Variants in KCNIP4 observed in about 807,000 individuals in gnomAD.
KCNIP4 encodes the protein Kv channel-interacting protein 4.
KCNIP4 carries 12 observed loss-of-function variants against 34.0 expected under a neutral mutation model. The observed-to-expected ratio is 0.35, with a 90% CI of 0.23 to 0.57. KCNIP4 has a LOEUF of 0.57. Among genes scored for constraint, KCNIP4 ranks in the 20% least tolerant of loss-of-function variants. The probability of loss-of-function intolerance (pLI) is 0.83; values close to 1 mark genes in which losing one functional copy is unlikely to be tolerated. For missense variants in KCNIP4, 238 were observed against 311.7 expected (o/e 0.76, Z 1.78); for synonymous variants, 124 against 102.2 (o/e 1.21, Z -1.29).
At chr4:21,843,075 A>T (rs912146832) in intron 1 of KCNIP4, among the ~76,000 whole-genome samples, 1 of 152,130 alleles carries the variant, frequency 6.6e-6, no homozygotes, top group Non-Finnish European at 1.5e-5. Context: ...ATGTTACTCA[A>T]ATTCTCTTAA....
chr4:21,139,335 A>G (rs1423444277), intron 1 of KCNIP4, among the ~76,000 whole-genome samples: 1 of 152,238 alleles, frequency 6.6e-6, no homozygotes, highest in Non-Finnish European at 1.5e-5. Flanking sequence ...CACCTCTTTC[A>G]GTTTTATTAT....
rs561675692 is a variant in KCNIP4, at chr4:21,200,825, C to T, written c.62-318116G>A. ...TAAAAATTTTTTTTTTTAAAAAAAG[C>T]ATCGTTCCATCCAGTGCCTGATTGT... On this transcript the variant is annotated intron_variant, in intron 1 of 8. Coordinates refer to ENST00000382152, the MANE Select transcript of KCNIP4 (RefSeq NM_025221.6). 9.2e-5 allele frequency among the ~76,000 whole-genome samples: 14 copies of T among 151,806 alleles called. 1 individual carries two copies. The South Asian group carries it at 2.9e-3, about 32-fold the overall frequency.
At chr4:20,826,731 T>C (rs1478871548) in intron 3 of KCNIP4, among the ~76,000 whole-genome samples, 1 of 152,124 alleles carries the variant, frequency 6.6e-6, no homozygotes, top group Non-Finnish European at 1.5e-5. Flanking sequence ...AATGAGAGCC[T>C]GGAAGAAAAG....
At chr4:21,945,189 A>T (rs1444442373) in intron 1 of KCNIP4, among the ~76,000 whole-genome samples, 1 of 152,204 alleles carries the variant, frequency 6.6e-6, no homozygotes, top group East Asian at 1.9e-4. Flanking sequence ...TCTTCAAAAC[A>T]ATCAACCACT....
intron 1 of KCNIP4, among the ~76,000 whole-genome samples, chr4:21,800,235 G>C (rs1039231913): frequency 2.0e-5 from 3 of 152,098 alleles, no homozygotes; most frequent in Non-Finnish European, 4.4e-5. Flanking sequence ...AGATCACTGG[G>C]AATTTTGATT....
intron 1 of KCNIP4, among the ~76,000 whole-genome samples, chr4:21,199,000 A>G (rs937656141): frequency 1.3e-5 from 2 of 151,410 alleles, no homozygotes; most frequent in East Asian, 2.0e-4. Context: ...TCCTTTCTCT[A>G]TGTGAGGAGT....
rs185034099 is a variant in KCNIP4 at position 21,892,645 on chromosome 4, C to T, written c.61+55926G>A. ...ATACAATCTTAGGTGATCACTTAAC[C>T]TCTATAAGTCTTAATTAAGTTGTCT... On this transcript the variant is annotated intron_variant, in intron 1 of 8. Coordinates refer to ENST00000382152, the MANE Select transcript of KCNIP4 (RefSeq NM_025221.6). Among the ~76,000 whole-genome samples, 434 of 150,916 alleles carry T rather than the reference C, an allele frequency of 2.9e-3. 1 individual carries two copies. Among genetic ancestry groups the T allele is most frequent in the African/African-American group, 0.01 (411 of 41,042 alleles).
intron 3 of KCNIP4, among the ~76,000 whole-genome samples, chr4:20,818,542 C>T (rs945543337): frequency 3.3e-5 from 5 of 152,094 alleles, no homozygotes; most frequent in Non-Finnish European, 5.9e-5. Flanking sequence ...GCAAACCTCC[C>T]GACAGAAGCG....
intron 2 of KCNIP4, 162 bp from the exon 3 acceptor site, chr4:20,850,829 A>T: frequency 4.7e-6 from 3 of 643,112 alleles, no homozygotes; most frequent in Non-Finnish European, 7.2e-6. Flanking sequence ...TTCCCAGTTT[A>T]AGCGTATTAA....
At position 21,504,504 on chromosome 4, in the gene KCNIP4, A is replaced by G. The variant is rs112467364; in HGVS notation, c.61+444067T>C. Among the ~76,000 whole-genome samples the G allele has an allele frequency of 5.3e-3, 702 of 133,238 alleles. 8 individuals are homozygous for G. Among genetic ancestry groups the G allele is most frequent in the East Asian group, 0.027 (99 of 3,726 alleles). The allele number at this position is 133,238 out of a possible 152,430, so 87.4% of individuals were successfully genotyped here. The stretch of plus-strand genomic sequence containing the variant: ...GAAAGAAAGAAAGAAAGAAAGAAAG[A>G]AAGGAAGGAAGGAAGAAAGCAAGCA... On this transcript the variant is annotated intron_variant, in intron 1 of 8. Transcript: ENST00000382152.
intron 1 of KCNIP4, among the ~76,000 whole-genome samples, chr4:20,915,175 T>C (rs1728691036): frequency 6.6e-6 from 1 of 152,226 alleles, no homozygotes; most frequent in Admixed American, 6.5e-5. Flanking sequence ...TACATGAACA[T>C]TTCTCTTACG....
rs192270173 is a variant in KCNIP4, at chr4:21,739,953, C to T, written c.61+208618G>A. Among the ~76,000 whole-genome samples the T allele has an allele frequency of 8.7e-3, 1,328 of 152,200 alleles. 18 individuals are homozygous for T. The highest frequency in any genetic ancestry group is 0.039 in the South Asian group (188 of 4,830). On this transcript the variant is annotated intron_variant, in intron 1 of 8. Coordinates refer to ENST00000382152, the MANE Select transcript of KCNIP4 (RefSeq NM_025221.6). ...AAATTTCTGATTTAATTTGCCTTCACATTCAGTCAACCATTAAAGCAATTG... is the reference window on the plus strand; with the variant it reads ...AAATTTCTGATTTAATTTGCCTTCATATTCAGTCAACCATTAAAGCAATTG...
intron 1 of KCNIP4, among the ~76,000 whole-genome samples, chr4:21,073,050 C>T (rs1745121220): frequency 6.6e-6 from 1 of 152,046 alleles, no homozygotes; most frequent in Non-Finnish European, 1.5e-5. Flanking sequence ...TTGCTGTAGC[C>T]TTGTAGTATA....
At chr4:21,450,429 C>T (rs1728421639) in intron 1 of KCNIP4, among the ~76,000 whole-genome samples, 1 of 152,114 alleles carries the variant, frequency 6.6e-6, no homozygotes, top group African/African-American at 2.4e-5. Context: ...GTCCAAAGCA[C>T]AATCAATATT....
intron 1 of KCNIP4, among the ~76,000 whole-genome samples, chr4:20,956,787 C>T (rs946175119): frequency 3.3e-5 from 5 of 152,008 alleles, no homozygotes; most frequent in African/African-American, 9.7e-5. Flanking sequence ...AACCAATGGC[C>T]GCTATTTACA....
At chr4:20,854,452 G>A (rs577429388) in intron 2 of KCNIP4, among the ~76,000 whole-genome samples, 1 of 152,290 alleles carries the variant, frequency 6.6e-6, no homozygotes, top group Non-Finnish European at 1.5e-5. Flanking sequence ...AGAACGCAAA[G>A]GCATAAGAAT....
In KCNIP4 at chr4:20,734,727, G is replaced by A. The variant is rs1258118252; in HGVS notation, c.438C>T (p.Ile146=). 6.5e-7 allele frequency: 1 copy of A among 1,549,664 alleles called. No individual in the cohort carries two copies. ...HNGAVSFEDF[I]KGLSILLRGT... is the part of the protein sequence containing the mutation. ...CCCGGAGCAAAATGGAAAGACCTTTGATGAAATCCTGAAAAGAAATAAAAA... is the reference window on the plus strand; with the variant it reads ...CCCGGAGCAAAATGGAAAGACCTTTAATGAAATCCTGAAAAGAAATAAAAA... Residue 146 remains isoleucine (I), a synonymous_variant, in exon 6 of 9, where the codon ATC becomes ATT. Coordinates refer to ENST00000382152, the MANE Select transcript of KCNIP4 (RefSeq NM_025221.6).
At chr4:21,848,831 T>A (rs1724184234) in intron 1 of KCNIP4, 1 of 152,066 alleles carries the variant, frequency 6.6e-6, no homozygotes, top group South Asian at 2.1e-4. Context: ...GGAAAATATG[T>A]TCACTCTGGT....
At chr4:20,915,545 AG>A (rs1728731147) in intron 1 of KCNIP4, among the ~76,000 whole-genome samples, 1 of 152,312 alleles carries the variant, frequency 6.6e-6, no homozygotes, top group East Asian at 1.9e-4. Flanking sequence ...TAGAGTCACC[AG>A]GTTTTTCTAT....
Sources: gnomAD v4.1 joint callset for allele counts (sites outside exome capture counted in the v4.1 genomes callset) on GRCh38, gnomAD v4.1.1 for gene constraint, MANE v1.5 for transcripts, NCBI Gene and HGNC (gene_info 2026-07-23, HGNC 2026-07-21) for gene names.